SRBD1: variants seen among roughly 807,000 people sequenced by gnomAD.
The protein encoded by SRBD1 is S1 RNA binding domain 1.
SRBD1 carries 88 observed loss-of-function variants against 115.3 expected under a neutral mutation model. The ratio of observed to expected loss-of-function variants is 0.76; its 90% confidence interval spans 0.64 to 0.91. The LOEUF is 0.91. SRBD1 is among the 40% of genes least tolerant of loss of function. The pLI, the probability that SRBD1 is intolerant of heterozygous loss-of-function variation, is 0.00. For synonymous variants in SRBD1, 509 were observed against 407.7 expected (o/e 1.25, Z -2.99); for missense variants, 1,385 against 1,177.4 (o/e 1.18, Z -2.58).
rs531405774 is a variant in SRBD1, at chr2:45,579,811, T to C, written c.1072+64A>G. On this transcript the variant is annotated intron_variant, in intron 7 of 20. Transcript: ENST00000263736. ...TACTTAACAAAACAGTTTTTTAACA[T>C]ACGTTTTTAAATTAAAAAAAAAAAA... The C allele has an allele frequency of 5.7e-5, 83 of 1,446,262 alleles. No homozygotes were observed. In the East Asian group the frequency reaches 1.7e-3, roughly 30 times the overall value. 89.6% of individuals were successfully genotyped at this position (1,446,262 alleles called of 1,614,324 possible).
chr2:45,592,052 G>A (rs962368346), intron 4 of SRBD1, among the ~76,000 whole-genome samples: 3 of 152,154 alleles, frequency 2.0e-5, no homozygotes, highest in African/African-American at 7.2e-5. Context: ...TCTTGCGATA[G>A]TGAATAAGTC....
chr2:45,488,764 A>G (rs1240614587), intron 14 of SRBD1, among the ~76,000 whole-genome samples: 1 of 152,140 alleles, frequency 6.6e-6, no homozygotes, highest in Non-Finnish European at 1.5e-5. Context: ...GCATATGGAC[A>G]TATGTGTGGA....
intron 16 of SRBD1, among the ~76,000 whole-genome samples, chr2:45,448,802 T>G (rs1668905073): frequency 6.6e-6 from 1 of 152,190 alleles, no homozygotes; most frequent in Admixed American, 6.5e-5. Context: ...ATTTCTCATT[T>G]AATAAATACT....
chr2:45,432,422 T>C (rs1226529400), intron 16 of SRBD1, among the ~76,000 whole-genome samples: 1 of 152,202 alleles, frequency 6.6e-6, no homozygotes, highest in African/African-American at 2.4e-5. Context: ...TCTTTGACAT[T>C]AAAGCAGAGG....
At chr2:45,391,377 C>T (rs1666994365) in intron 20 of SRBD1, among the ~76,000 whole-genome samples, 1 of 152,014 alleles carries the variant, frequency 6.6e-6, no homozygotes, top group Admixed American at 6.6e-5. Flanking sequence ...AAACAAAAGA[C>T]AGAATTATTA....
intron 9 of SRBD1, among the ~76,000 whole-genome samples, chr2:45,563,380 GA>G (rs1672732917): frequency 1.3e-5 from 2 of 151,626 alleles, no homozygotes; most frequent in Admixed American, 1.3e-4. Context: ...AATATTAAAA[GA>G]ACGACTGTCT....
In SRBD1 at chr2:45,407,782, A is replaced by C. The variant is rs541175510; in HGVS notation, c.2513+5332T>G. 1.5e-4 allele frequency among the ~76,000 whole-genome samples: 23 copies of C among 152,298 alleles called. No homozygotes were observed. The South Asian group carries it at 4.6e-3, about 30-fold the overall frequency. Reference sequence around the variant, plus strand: ...ACTTCAAAAACATAACATTATAAGCAGATATAAAAGGTAAACAAGTAGAAA... The same window carrying C: ...ACTTCAAAAACATAACATTATAAGCCGATATAAAAGGTAAACAAGTAGAAA... On this transcript the variant is annotated intron_variant, in intron 19 of 20. Transcript: ENST00000263736.
At position 45,418,362 on chromosome 2, in the gene SRBD1, C is replaced by G. The variant is rs765747667; in HGVS notation, c.2333+3G>C. ...TAGAATCAAAGTGTATACTTATACT[C>G]ACCTGCAAAACGTTCGGATATAATC... On this transcript the variant is annotated splice_donor_region_variant and intron_variant, in intron 18 of 20. Transcript: ENST00000263736. The G allele has an allele frequency of 1.9e-6, 3 of 1,613,182 alleles. No individual in the cohort carries two copies. Among genetic ancestry groups the G allele is most frequent in the Non-Finnish European group, 2.5e-6 (3 of 1,179,616 alleles).
intron 11 of SRBD1, among the ~76,000 whole-genome samples, chr2:45,553,212 T>C (rs1265589561): frequency 6.6e-6 from 1 of 152,168 alleles, no homozygotes; most frequent in Non-Finnish European, 1.5e-5. Context: ...ATTTTAATAA[T>C]CTCCTAATAT....
intron 4 of SRBD1, among the ~76,000 whole-genome samples, chr2:45,586,477 AC>A (rs1241616525): frequency 8.5e-5 from 13 of 152,130 alleles, no homozygotes; most frequent in Admixed American, 7.9e-4. Flanking sequence ...GAGTTGGAAG[AC>A]CCTTCTATAT....
chr2:45,604,022 C>T lies in SRBD1; in HGVS notation c.80+1340G>A, dbSNP rs555450934. Among the ~76,000 whole-genome samples the T allele has an allele frequency of 1.6e-4, 24 of 152,106 alleles. 1 individual carries two copies. The South Asian group carries it at 5.0e-3, about 32-fold the overall frequency. The stretch of plus-strand genomic sequence containing the variant: ...CAAAATGTCTGTCATTCTTTCATAC[C>T]CCAAATCCAATCCACCACCATGTCC... On this transcript the variant is annotated intron_variant, in intron 2 of 20. Coordinates refer to ENST00000263736, the MANE Select transcript of SRBD1 (RefSeq NM_018079.5).
chr2:45,472,930 T>C (rs1325955136), intron 16 of SRBD1, among the ~76,000 whole-genome samples: 1 of 150,184 alleles, frequency 6.7e-6, no homozygotes, highest in Non-Finnish European at 1.5e-5. Context: ...TGGAATATTT[T>C]AATCCAAATC....
At chr2:45,399,239 A>G (rs1260344749) in intron 19 of SRBD1, among the ~76,000 whole-genome samples, 1 of 152,136 alleles carries the variant, frequency 6.6e-6, no homozygotes, top group Non-Finnish European at 1.5e-5. Context: ...CCAACAAAGA[A>G]TAATTTAGAA....
chr2:45,414,730 A>G (rs1372746649), intron 18 of SRBD1, among the ~76,000 whole-genome samples: 3 of 125,806 alleles, frequency 2.4e-5, no homozygotes, highest in Non-Finnish European at 4.9e-5. Flanking sequence ...ACACACACAC[A>G]GTGTGTATAT....
intron 16 of SRBD1, among the ~76,000 whole-genome samples, chr2:45,423,364 G>A (rs553804482): frequency 6.6e-6 from 1 of 152,226 alleles, no homozygotes; most frequent in South Asian, 2.1e-4. Context: ...TGGTTTAAAT[G>A]TAACTTCACA....
chr2:45,394,433 C>T (rs1027938907), intron 19 of SRBD1, among the ~76,000 whole-genome samples: 1 of 152,150 alleles, frequency 6.6e-6, no homozygotes, highest in African/African-American at 2.4e-5. Flanking sequence ...ACACAGTAAT[C>T]AGGCAGATAG....
At chr2:45,607,238 G>A (rs1250500220) in intron 1 of SRBD1, among the ~76,000 whole-genome samples, 1 of 152,152 alleles carries the variant, frequency 6.6e-6, no homozygotes, top group Non-Finnish European at 1.5e-5. Context: ...AACAAAATAA[G>A]AATGGAGGAA....
At chr2:45,504,793 C>T (rs1310282902) in intron 14 of SRBD1, among the ~76,000 whole-genome samples, 4 of 152,066 alleles carry the variant, frequency 2.6e-5, no homozygotes, top group African/African-American at 9.7e-5. Flanking sequence ...GGAGGTCTTA[C>T]GCCTGGCCCT....
chr2:45,523,910 C>T (rs1454879765), intron 14 of SRBD1, among the ~76,000 whole-genome samples: 2 of 151,868 alleles, frequency 1.3e-5, no homozygotes, highest in African/African-American at 4.8e-5. Context: ...AATATGAATG[C>T]AAAAATTCTT....
Sources: gnomAD v4.1 joint callset for allele counts (sites outside exome capture counted in the v4.1 genomes callset) on GRCh38, gnomAD v4.1.1 for gene constraint, MANE v1.5 for transcripts, NCBI Gene and HGNC (gene_info 2026-07-23, HGNC 2026-07-21) for gene names.